The following SLC25A18 variants were observed in gnomAD, a reference collection of about 807,000 sequenced individuals.
The protein encoded by SLC25A18 is mitochondrial glutamate carrier 2.
SLC25A18 carries 24 observed loss-of-function variants against 31.1 expected under a neutral mutation model. The ratio of observed to expected loss-of-function variants is 0.77; its 90% confidence interval spans 0.56 to 1.08. The LOEUF (loss-of-function observed/expected upper bound fraction) is 1.08. Ranked by LOEUF, SLC25A18 falls within the 50% of genes least tolerant of loss-of-function variation. The probability of loss-of-function intolerance (pLI) is 0.00; values close to 1 mark genes in which losing one functional copy is unlikely to be tolerated. For missense variants in SLC25A18, 371 were observed against 418.5 expected, an observed-to-expected ratio of 0.89 and a Z score of 0.99; for synonymous variants, 173 against 161.9, an observed-to-expected ratio of 1.07 and a Z score of -0.52.
intron 2 of SLC25A18, among the ~76,000 whole-genome samples, chr22:17,571,747 T>G (rs1257991418): frequency 1.4e-5 from 2 of 146,182 alleles, no homozygotes; most frequent in African/African-American, 5.1e-5. Flanking sequence ...GCAGTGAGAC[T>G]GTCTCAAAAA....
At chr22:17,577,735 C>T (rs1412196665) in intron 2 of SLC25A18, among the ~76,000 whole-genome samples, 1 of 149,858 alleles carries the variant, frequency 6.7e-6, no homozygotes. Flanking sequence ...CGCACACCAC[C>T]ATTCCCCGCT....
At position 17,588,041 on chromosome 22, in the gene SLC25A18, C is replaced by T; in HGVS notation, c.692C>T (p.Ala231Val). 6.2e-7 allele frequency: 1 copy of T among 1,614,222 alleles called. No homozygotes were observed. Among genetic ancestry groups the T allele is most frequent in the Non-Finnish European group, 8.5e-7 (1 of 1,180,052 alleles). Residue 231 changes from alanine to valine, a missense_variant, in exon 9 of 11, where the codon GCA (alanine) becomes GTA (valine). By Grantham distance (64) the Ala-to-Val change is moderately conservative. Coordinates refer to ENST00000327451, the MANE Select transcript of SLC25A18 (RefSeq NM_031481.3). ...FAHSFVSGCV[A>V]GSIAAVAVTP... ...CATTCCTTCGTGTCAGGCTGTGTGGCAGGTTCCATAGCTGCGGTCGCAGTG... is the reference window on the plus strand; with the variant it reads ...CATTCCTTCGTGTCAGGCTGTGTGGTAGGTTCCATAGCTGCGGTCGCAGTG...
chr22:17,587,440 T>A (rs1337099644), intron 8 of SLC25A18, 139 bp downstream of exon 8: 26 of 1,179,652 alleles, frequency 2.2e-5, no homozygotes, highest in Non-Finnish European at 3.0e-5. Flanking sequence ...ATGCTTCCTG[T>A]TTTGTCTGGA....
rs549422029 is a variant in SLC25A18 at position 17,579,839 on chromosome 22, G to T, written c.-106G>T. The stretch of plus-strand genomic sequence containing the variant: ...ACCCGTGCTCTGTCCACACTGCTAC[G>T]GGGCCAGAGCCAAGGAAGCTTCCAC... On this transcript the variant is annotated 5_prime_UTR_variant, in exon 3 of 11. Transcript: ENST00000327451. The T allele has an allele frequency of 2.6e-6, 4 of 1,516,650 alleles. No homozygotes were observed. The South Asian group carries it at 5.1e-5, about 19-fold the overall frequency. The allele number at this position is 1,516,650 out of a possible 1,614,324, so 93.9% of individuals were successfully genotyped here.
chr22:17,586,330 A>G (rs1354565158), intron 7 of SLC25A18, among the ~76,000 whole-genome samples: 2 of 148,016 alleles, frequency 1.4e-5, no homozygotes, highest in Admixed American at 6.7e-5. Flanking sequence ...CCAACATGGT[A>G]AGACACCTTC....
intron 7 of SLC25A18, 56 bp downstream of exon 7, chr22:17,583,590 G>GCACATCC: frequency 6.3e-7 from 1 of 1,583,180 alleles, no homozygotes; most frequent in South Asian, 1.1e-5. Context: ...TTGGAACCAG[G>GCACATCC]CACATCCCAC....
At chr22:17,568,725 C>T in intron 1 of SLC25A18, among the ~76,000 whole-genome samples, 1 of 151,274 alleles carries the variant, frequency 6.6e-6, no homozygotes, top group Non-Finnish European at 1.5e-5. Flanking sequence ...CCACGCCTGA[C>T]TAATTTTTTG....
In SLC25A18 at chr22:17,579,795, G is replaced by A; in HGVS notation, c.-150G>A. On this transcript the variant is annotated 5_prime_UTR_variant, in exon 3 of 11. Transcript: ENST00000327451. ...TCGTCACTTGCCGGGAAGGTGGCTC[G>A]GGCCAGGCTGCACTCAAAACCCGTG... is the stretch of plus-strand genomic sequence containing the variant. 7.1e-6 allele frequency: 10 copies of A among 1,406,410 alleles called. No homozygotes were observed. The highest frequency in any genetic ancestry group is 4.9e-5 in the South Asian group (3 of 60,970). 87.1% of individuals were successfully genotyped at this position (1,406,410 alleles called of 1,614,324 possible).
chr22:17,583,388 T>A, intron 6 of SLC25A18, 28 bp from the exon 7 acceptor site: 2 of 1,613,434 alleles, frequency 1.2e-6, no homozygotes, highest in Non-Finnish European at 1.7e-6. Context: ...GGCCTGCGGC[T>A]GAAGGAGCCT....
Position 17,587,119 on chromosome 22 carries a change from T to C in SLC25A18, c.410-17T>C, listed in dbSNP as rs2057572278. The C allele has an allele frequency of 6.2e-7, 1 of 1,612,418 alleles. No homozygotes were observed. The highest frequency in any genetic ancestry group is 1.3e-5 in the African/African-American group (1 of 74,932). ...CTGTTGGGGACCAGGTACTGATGTC[T>C]GTCCTTTCCCTTCCAGCCGTCCATC... On this transcript the variant is annotated splice_polypyrimidine_tract_variant and intron_variant, in intron 7 of 10. Coordinates refer to ENST00000327451, the MANE Select transcript of SLC25A18 (RefSeq NM_031481.3).
chr22:17,564,765 G>A (rs1036297299), intron 1 of SLC25A18, among the ~76,000 whole-genome samples: 3 of 150,866 alleles, frequency 2.0e-5, no homozygotes, highest in Admixed American at 6.6e-5. Context: ...GCTGAGGCAG[G>A]AAACTCACTT....
chr22:17,577,530 T>G lies in SLC25A18; in HGVS notation c.-200-2215T>G, dbSNP rs148794057. On this transcript the variant is annotated intron_variant, in intron 2 of 10. Coordinates refer to ENST00000327451, the MANE Select transcript of SLC25A18 (RefSeq NM_031481.3). ...GATTATAAGAGCAGTCACAATGTTC[T>G]CAATTATTGGACTCCCTGGCTTCAG... is the stretch of plus-strand genomic sequence containing the variant. 8.8e-3 allele frequency among the ~76,000 whole-genome samples: 1,325 copies of G among 151,230 alleles called. 19 individuals carry two copies. Among genetic ancestry groups the G allele is most frequent in the African/African-American group, 0.029 (1,182 of 41,152 alleles).
chr22:17,566,614 G>A (rs796693937), intron 1 of SLC25A18, among the ~76,000 whole-genome samples: 9 of 152,152 alleles, frequency 5.9e-5, no homozygotes, highest in African/African-American at 1.7e-4. Flanking sequence ...GTTTCTCCAC[G>A]TTGGTCAGGC....
intron 1 of SLC25A18, among the ~76,000 whole-genome samples, chr22:17,565,742 C>T (rs2056920306): frequency 6.6e-6 from 1 of 152,140 alleles, no homozygotes; most frequent in African/African-American, 2.4e-5. Context: ...TGGGGCATGC[C>T]TGTAATCCCA....
chr22:17,589,519 C>T lies in SLC25A18; in HGVS notation c.731-71C>T, dbSNP rs372301607. ...GTGGTGGCTCTACAGGAGGGCCCAG[C>T]CCCTTAGTGTTGAGGGGAGGACACC... On this transcript the variant is annotated intron_variant, in intron 9 of 10. Coordinates refer to ENST00000327451, the MANE Select transcript of SLC25A18 (RefSeq NM_031481.3). 1.3e-4 allele frequency: 187 copies of T among 1,410,212 alleles called. 3 individuals carry two copies. In the African/African-American group the frequency reaches 2.1e-3, roughly 16 times the overall value. 87.4% of individuals were successfully genotyped at this position (1,410,212 alleles called of 1,614,324 possible). A position where few individuals can be genotyped will look rare whatever the true frequency, so the allele number is the denominator to read the frequency against.
rs184858246 is a variant in SLC25A18 at position 17,572,269 on chromosome 22, A to G, written c.-201+2283A>G. On this transcript the variant is annotated intron_variant, in intron 2 of 10. Transcript: ENST00000327451. ...GAGGCCAAGGTGGGCGGATCACCTG[A>G]GATCGGGAGTTCAAGACCAGCCTGA... 4.8e-3 allele frequency among the ~76,000 whole-genome samples: 731 copies of G among 152,058 alleles called. 8 individuals carry two copies. Among genetic ancestry groups the G allele is most frequent in the African/African-American group, 0.016 (684 of 41,490 alleles).
intron 2 of SLC25A18, among the ~76,000 whole-genome samples, chr22:17,574,444 T>A (rs2057174460): frequency 6.6e-6 from 1 of 151,922 alleles, no homozygotes; most frequent in African/African-American, 2.4e-5. Flanking sequence ...CTGAACCCTC[T>A]GCTCACACCA....
intron 3 of SLC25A18, chr22:17,580,528 C>T (rs2057344050): frequency 2.0e-6 from 2 of 989,264 alleles, no homozygotes; most frequent in Non-Finnish European, 2.4e-6. Flanking sequence ...TGCCTGCTCT[C>T]TTATTATGAA....
intron 2 of SLC25A18, among the ~76,000 whole-genome samples, chr22:17,575,425 A>G (rs1201344343): frequency 6.6e-6 from 1 of 152,114 alleles, no homozygotes; most frequent in East Asian, 1.9e-4. Context: ...ATAAGGCAGA[A>G]GTCTCTCCCG....
Sources: allele counts gnomAD v4.1 joint callset (sites outside exome capture counted in the v4.1 genomes callset), GRCh38; gene constraint gnomAD v4.1.1; transcripts MANE v1.5; gene names NCBI Gene and HGNC (gene_info 2026-07-23, HGNC 2026-07-21).